Variants in RBMS3 observed in about 807,000 individuals in gnomAD.
RBMS3 encodes the protein RNA-binding motif, single-stranded-interacting protein 3.
RBMS3 carries 27 observed loss-of-function variants against 66.8 expected under a neutral mutation model. The ratio of observed to expected loss-of-function variants is 0.40; its 90% CI spans 0.30 to 0.56. The LOEUF is 0.56. Ranked by LOEUF, RBMS3 falls within the 20% of genes least tolerant of loss-of-function variation. RBMS3 has a pLI of 0.40. For missense variants in RBMS3, 513 were observed against 549.5 expected (o/e 0.93, Z 0.66); for synonymous variants, 188 against 183.0 (o/e 1.03, Z -0.22).
chr3:29,549,959 T>TA lies in RBMS3; in HGVS notation c.308-37147dup, dbSNP rs945809030. Among the ~76,000 whole-genome samples the TA allele has an allele frequency of 1.1e-4, 17 of 151,898 alleles. 1 individual carries two copies. In the East Asian group the frequency reaches 1.9e-3, roughly 17 times the overall value. Reference sequence around the variant, plus strand: ...CTTGCTCTTATATATATATAGGCATTAAAAAAAATGAAACAAAAACAACCA... The same window carrying TA: ...CTTGCTCTTATATATATATAGGCATTAAAAAAAAATGAAACAAAAACAACCA... On this transcript the variant is annotated intron_variant, in intron 3 of 14. Coordinates refer to ENST00000383767, the MANE Select transcript of RBMS3 (RefSeq NM_001003793.3).
At chr3:29,726,088 A>G (rs1475547857) in intron 4 of RBMS3, among the ~76,000 whole-genome samples, 1 of 152,204 alleles carries the variant, frequency 6.6e-6, no homozygotes, top group South Asian at 2.1e-4. Context: ...CATCACATAA[A>G]CAGAACTAAT....
intron 3 of RBMS3, among the ~76,000 whole-genome samples, chr3:29,533,741 C>T (rs534818133): frequency 6.6e-6 from 1 of 152,296 alleles, no homozygotes; most frequent in African/African-American, 2.4e-5. Flanking sequence ...TGCACCACTG[C>T]ACTCCAGCCT....
At chr3:29,778,142 G>A (rs1000930349) in intron 6 of RBMS3, among the ~76,000 whole-genome samples, 7 of 152,006 alleles carry the variant, frequency 4.6e-5, no homozygotes, top group Admixed American at 1.3e-4. Flanking sequence ...GCACAGAAAT[G>A]TATTAGTCCT....
At chr3:29,289,509 A>T (rs1318513121) in intron 1 of RBMS3, among the ~76,000 whole-genome samples, 2 of 151,936 alleles carry the variant, frequency 1.3e-5, no homozygotes, top group African/African-American at 4.8e-5. Context: ...TGGTTAAAAC[A>T]GTTAACTATG....
chr3:29,386,120 G>A, intron 1 of RBMS3, among the ~76,000 whole-genome samples: 1 of 151,730 alleles, frequency 6.6e-6, no homozygotes, highest in East Asian at 1.9e-4. Context: ...TCCTAATTAT[G>A]GTATATCCAA....
At chr3:29,314,045 G>T (rs1479234303) in intron 1 of RBMS3, among the ~76,000 whole-genome samples, 1 of 151,516 alleles carries the variant, frequency 6.6e-6, no homozygotes, top group African/African-American at 2.4e-5. Context: ...TGTCTACTTT[G>T]CAGTACTGTG....
At chr3:29,978,451 A>G (rs75963262) in intron 12 of RBMS3, among the ~76,000 whole-genome samples, 3,386 of 152,068 alleles carry the variant, frequency 0.022, 125 homozygotes, top group African/African-American at 0.076. Flanking sequence ...TGTGACAAAA[A>G]AAAAGCAAGC....
chr3:29,334,921 G>A (rs2035860989), intron 1 of RBMS3, among the ~76,000 whole-genome samples: 1 of 152,128 alleles, frequency 6.6e-6, no homozygotes, highest in African/African-American at 2.4e-5. Context: ...ATTGAATGCT[G>A]TACTAGCGTT....
chr3:29,490,042 C>CAAAAA (rs1245001930), intron 3 of RBMS3, among the ~76,000 whole-genome samples: 3 of 49,956 alleles, frequency 6.0e-5, no homozygotes, highest in Admixed American at 4.7e-4. Context: ...GACTCCCTCT[C>CAAAAA]AAAAAAAAAA....
chr3:29,295,321 A>C (rs2033169358), intron 1 of RBMS3, among the ~76,000 whole-genome samples: 1 of 142,166 alleles, frequency 7.0e-6, no homozygotes, highest in African/African-American at 2.6e-5. Context: ...ATATACATAT[A>C]TATATACACA....
At chr3:29,492,066 G>A (rs938695413) in intron 3 of RBMS3, among the ~76,000 whole-genome samples, 2 of 152,052 alleles carry the variant, frequency 1.3e-5, no homozygotes, top group Admixed American at 1.3e-4. Flanking sequence ...CAAAGTGATC[G>A]TGTGTCCATT....
chr3:29,639,523 A>C (rs1046144082), intron 4 of RBMS3, among the ~76,000 whole-genome samples: 2 of 151,722 alleles, frequency 1.3e-5, no homozygotes, highest in Non-Finnish European at 2.9e-5. Context: ...TAAGATGAGA[A>C]AATGTTCACT....
At chr3:29,398,164 T>C (rs1435230506) in intron 1 of RBMS3, among the ~76,000 whole-genome samples, 2 of 152,140 alleles carry the variant, frequency 1.3e-5, no homozygotes, top group Admixed American at 6.5e-5. Context: ...ATCCATCAAA[T>C]AGAGGTAATG....
chr3:29,731,251 G>A (rs1409976464), intron 4 of RBMS3, among the ~76,000 whole-genome samples: 1 of 152,198 alleles, frequency 6.6e-6, no homozygotes, highest in Non-Finnish European at 1.5e-5. Context: ...CTGACACTGT[G>A]CTTACATTAT....
intron 3 of RBMS3, among the ~76,000 whole-genome samples, chr3:29,496,195 CAAAAAAAAAAA>C (rs60639896): frequency 1.8e-5 from 2 of 110,512 alleles, no homozygotes; most frequent in African/African-American, 3.1e-5. Flanking sequence ...CCGCCCACAT[CAAAAAAAAAAA>C]AAAAAAAGAA....
At chr3:29,450,985 G>T (rs1290071752) in intron 2 of RBMS3, among the ~76,000 whole-genome samples, 1 of 151,778 alleles carries the variant, frequency 6.6e-6, no homozygotes, top group East Asian at 1.9e-4. Flanking sequence ...TCATATTTGG[G>T]AGCTGTAATT....
chr3:29,827,980 T>A (rs1002915339), intron 6 of RBMS3, among the ~76,000 whole-genome samples: 3 of 152,152 alleles, frequency 2.0e-5, no homozygotes, highest in African/African-American at 7.2e-5. Flanking sequence ...TTTTTACCCT[T>A]GATTTCTCAA....
At chr3:29,846,321 GTT>G (rs2058775295) in intron 6 of RBMS3, among the ~76,000 whole-genome samples, 1 of 152,020 alleles carries the variant, frequency 6.6e-6, no homozygotes, top group Admixed American at 6.6e-5. Context: ...TGAAGGTAGA[GTT>G]AATATATTTT....
chr3:29,812,082 G>A (rs1191946504), intron 6 of RBMS3, among the ~76,000 whole-genome samples: 1 of 152,046 alleles, frequency 6.6e-6, no homozygotes, highest in Non-Finnish European at 1.5e-5. Context: ...CTTAAAGTGG[G>A]GTTTCAAGTT....
Sources: gnomAD v4.1 joint callset for allele counts (sites outside exome capture counted in the v4.1 genomes callset) on GRCh38, gnomAD v4.1.1 for gene constraint, MANE v1.5 for transcripts, NCBI Gene and HGNC (gene_info 2026-07-23, HGNC 2026-07-21) for gene names.